MMP16: variants seen among roughly 807,000 people sequenced by gnomAD.
The protein encoded by MMP16 is matrix metalloproteinase-16.
In MMP16, 12 loss-of-function variants were observed where a neutral mutation model predicts 67.8. The ratio of observed to expected loss-of-function variants is 0.18; its 90% CI spans 0.11 to 0.29. The LOEUF (loss-of-function observed/expected upper bound fraction) is 0.29. Among genes scored for constraint, MMP16 ranks in the 10% least tolerant of loss-of-function variants. The pLI, the probability that MMP16 is intolerant of heterozygous loss-of-function variation, is 1.00. For missense variants in MMP16, 475 were observed against 765.7 expected, an observed-to-expected ratio of 0.62 and a Z score of 4.48; for synonymous variants, 249 against 255.9, an observed-to-expected ratio of 0.97 and a Z score of 0.26.
intron 4 of MMP16, among the ~76,000 whole-genome samples, chr8:88,153,500 A>T (rs1363361193): frequency 6.6e-6 from 1 of 152,210 alleles, no homozygotes; most frequent in Admixed American, 6.5e-5. Flanking sequence ...ACAGCATGGT[A>T]CTGGTACCAA....
At chr8:88,207,695 T>A (rs200534369) in intron 1 of MMP16, among the ~76,000 whole-genome samples, 10 of 146,036 alleles carry the variant, frequency 6.8e-5, no homozygotes, top group South Asian at 2.1e-4. Flanking sequence ...GGACCATTGT[T>A]AAAAAAAAAA....
At chr8:88,287,781 C>T (rs565832373) in intron 1 of MMP16, among the ~76,000 whole-genome samples, 3 of 152,238 alleles carry the variant, frequency 2.0e-5, no homozygotes, top group African/African-American at 7.2e-5. Context: ...AGACATGGTG[C>T]CCAGAGCTTT....
intron 4 of MMP16, among the ~76,000 whole-genome samples, chr8:88,134,772 CAT>C (rs1808090611): frequency 2.0e-5 from 3 of 151,586 alleles, no homozygotes; most frequent in African/African-American, 7.2e-5. Context: ...CTTGGCTAGA[CAT>C]GTGTGTGATC....
intron 1 of MMP16, among the ~76,000 whole-genome samples, chr8:88,297,840 G>A (rs1366243407): frequency 6.6e-6 from 1 of 152,212 alleles, no homozygotes; most frequent in Non-Finnish European, 1.5e-5. Flanking sequence ...ATGGAACGAG[G>A]TAATATGTGT....
intron 4 of MMP16, among the ~76,000 whole-genome samples, chr8:88,130,270 T>C (rs1019648990): frequency 6.6e-6 from 1 of 151,806 alleles, no homozygotes; most frequent in African/African-American, 2.4e-5. Context: ...GACTTTAAAA[T>C]AGACGTGTAC....
chr8:88,118,683 A>C lies in MMP16; in HGVS notation c.871+17T>G. On this transcript the variant is annotated intron_variant, in intron 5 of 9. Coordinates refer to ENST00000286614, the MANE Select transcript of MMP16 (RefSeq NM_005941.5). ...CTTCACTATCGGATTAAGCAAATTGAAACAGTAGTAACCTACCATATATCT... is the reference window on the plus strand; with the variant it reads ...CTTCACTATCGGATTAAGCAAATTGCAACAGTAGTAACCTACCATATATCT... The C allele has an allele frequency of 1.2e-6, 2 of 1,607,264 alleles. No individual in the cohort carries two copies. The highest frequency in any genetic ancestry group is 1.7e-6 in the Non-Finnish European group (2 of 1,175,718).
chr8:88,149,563 G>A (rs1421301138), intron 4 of MMP16, among the ~76,000 whole-genome samples: 4 of 152,054 alleles, frequency 2.6e-5, no homozygotes, highest in Non-Finnish European at 1.5e-5. Context: ...CCTGACCCCC[G>A]AGCAGCCTAA....
rs543573250 is a variant in MMP16, at chr8:88,039,894, A to G, written c.*1567T>C. On this transcript the variant is annotated 3_prime_UTR_variant, in exon 10 of 10. Coordinates refer to ENST00000286614, the MANE Select transcript of MMP16 (RefSeq NM_005941.5). This position sits in a 1 kb window ranked among gnomAD's most constrained non-coding sequence, Gnocchi z 4.5. ...CTGCTGTTAGGACAAATTACACTCA[A>G]CAATGAAATGCTTTGGTGGTCTCTT... The G allele has an allele frequency of 1.1e-4, 17 of 152,730 alleles. No individual in the cohort carries two copies. The highest frequency in any genetic ancestry group is 1.0e-3 in the Admixed American group (16 of 15,286). 9.5% of individuals were successfully genotyped at this position (152,730 alleles called of 1,614,324 possible). A position where few individuals can be genotyped will look rare whatever the true frequency, so the allele number is the denominator to read the frequency against.
At chr8:88,260,815 T>G (rs981436103) in intron 1 of MMP16, among the ~76,000 whole-genome samples, 8 of 152,164 alleles carry the variant, frequency 5.3e-5, no homozygotes, top group Non-Finnish European at 1.2e-4. Context: ...TTGTGTTATG[T>G]TTCCCAGTTA....
chr8:88,285,114 T>C (rs1462188010), intron 1 of MMP16, among the ~76,000 whole-genome samples: 2 of 151,942 alleles, frequency 1.3e-5, no homozygotes, highest in African/African-American at 4.8e-5. Flanking sequence ...ACAAGAACAG[T>C]TTTTTGTTTA....
chr8:88,114,430 C>T (rs1809394702), intron 6 of MMP16, among the ~76,000 whole-genome samples: 1 of 151,862 alleles, frequency 6.6e-6, no homozygotes, highest in Non-Finnish European at 1.5e-5. Context: ...AGTGTCATTA[C>T]TTTTACTCTT....
chr8:88,243,560 C>G (rs898871914), intron 1 of MMP16, among the ~76,000 whole-genome samples: 1 of 152,134 alleles, frequency 6.6e-6, no homozygotes, highest in Non-Finnish European at 1.5e-5. Context: ...GCAGTAGACT[C>G]TGGAGGAAGG....
At chr8:88,144,504 C>A (rs1429734135) in intron 4 of MMP16, among the ~76,000 whole-genome samples, 4 of 151,380 alleles carry the variant, frequency 2.6e-5, no homozygotes, top group African/African-American at 9.7e-5. Flanking sequence ...ATAATAAAGT[C>A]TGGTTTAAAA....
At chr8:88,300,119 T>A (rs1344697164) in intron 1 of MMP16, among the ~76,000 whole-genome samples, 2 of 152,190 alleles carry the variant, frequency 1.3e-5, no homozygotes, top group Non-Finnish European at 2.9e-5. Flanking sequence ...GAGTGGCCAA[T>A]ATCCCAATAG....
intron 2 of MMP16, among the ~76,000 whole-genome samples, chr8:88,192,133 CTTATT>C (rs1298011655): frequency 1.3e-5 from 2 of 152,090 alleles, no homozygotes; most frequent in Admixed American, 6.6e-5. Context: ...TAAAAATATA[CTTATT>C]TTAATTACTT....
chr8:88,073,124 C>T (rs1808589362), intron 7 of MMP16, among the ~76,000 whole-genome samples: 1 of 152,194 alleles, frequency 6.6e-6, no homozygotes, highest in African/African-American at 2.4e-5. Context: ...GGAACTTAAC[C>T]TGCCCTTCTT....
chr8:88,059,243 TG>T (rs1384662828), intron 7 of MMP16, among the ~76,000 whole-genome samples: 1 of 152,082 alleles, frequency 6.6e-6, no homozygotes, highest in Non-Finnish European at 1.5e-5. Flanking sequence ...TAACCAGAAC[TG>T]GACTTCTAGA....
At chr8:88,184,563 GA>G (rs59310737) in intron 3 of MMP16, among the ~76,000 whole-genome samples, 5 of 10,936 alleles carry the variant, frequency 4.6e-4, no homozygotes, top group African/African-American at 1.1e-3. Flanking sequence ...CTCTCTCTCT[GA>G]AAAAAAAAAA....
chr8:88,198,477 G>GT (rs537860521), intron 1 of MMP16, among the ~76,000 whole-genome samples: 182 of 152,184 alleles, frequency 1.2e-3, no homozygotes, highest in Non-Finnish European at 1.3e-3. Flanking sequence ...TGAAATTGTA[G>GT]TTTTTCCCAA....
Sources: allele counts gnomAD v4.1 joint callset (sites outside exome capture counted in the v4.1 genomes callset), GRCh38; gene constraint gnomAD v4.1.1; non-coding constraint Gnocchi (gnomAD v3.1); transcripts MANE v1.5; gene names NCBI Gene and HGNC (gene_info 2026-07-23, HGNC 2026-07-21).